Variants in CRPPA observed in about 807,000 individuals in gnomAD.
The protein encoded by CRPPA is D-ribitol-5-phosphate cytidylyltransferase.
In CRPPA, 43 loss-of-function variants were observed where a neutral mutation model predicts 52.0. That is an observed-to-expected ratio of 0.83 (90% CI 0.65 to 1.07). CRPPA has a LOEUF of 1.07. Among genes scored for constraint, CRPPA ranks in the 50% least tolerant of loss-of-function variants. CRPPA has a pLI of 0.00. For synonymous variants in CRPPA, 250 were observed against 203.5 expected, an observed-to-expected ratio of 1.23 and a Z score of -1.94; for missense variants, 629 against 551.7, an observed-to-expected ratio of 1.14 and a Z score of -1.40.
At chr7:16,210,807 T>C (rs1782113666) in intron 9 of CRPPA, among the ~76,000 whole-genome samples, 1 of 152,072 alleles carries the variant, frequency 6.6e-6, no homozygotes, top group Admixed American at 6.5e-5. Context: ...AGGATGCTTC[T>C]CTTCATTTAC....
At chr7:16,318,624 C>A (rs947762097) in intron 3 of CRPPA, among the ~76,000 whole-genome samples, 2 of 152,166 alleles carry the variant, frequency 1.3e-5, no homozygotes, top group African/African-American at 4.8e-5. Flanking sequence ...GAGAGCTCTG[C>A]TCCTTGGGTT....
At chr7:16,183,086 C>T (rs1442653697) in intron 9 of CRPPA, among the ~76,000 whole-genome samples, 1 of 151,986 alleles carries the variant, frequency 6.6e-6, no homozygotes. Flanking sequence ...AACTAAAGAC[C>T]CCAGGGAACT....
At position 16,350,014 on chromosome 7, in the gene CRPPA, T is replaced by A. The variant is rs145782001; in HGVS notation, c.684+26078A>T. The stretch of plus-strand genomic sequence containing the variant: ...TTGAAAGCAGCAAGGGAAACCCAAG[T>A]TGTTAGAGACATGTGAGCCCCCATA... On this transcript the variant is annotated intron_variant, in intron 3 of 9. Transcript: ENST00000407010. 1.8e-3 allele frequency among the ~76,000 whole-genome samples: 276 copies of A among 152,066 alleles called. 1 individual carries two copies. The highest frequency in any genetic ancestry group is 6.2e-3 in the African/African-American group (256 of 41,512).
chr7:16,251,740 A>C (rs1358226971), intron 8 of CRPPA, among the ~76,000 whole-genome samples: 1 of 152,220 alleles, frequency 6.6e-6, no homozygotes, highest in Non-Finnish European at 1.5e-5. Flanking sequence ...GTGTAGAGGG[A>C]AATTTATAGT....
intron 9 of CRPPA, among the ~76,000 whole-genome samples, chr7:16,143,497 A>G (rs1782913261): frequency 6.6e-6 from 1 of 152,232 alleles, no homozygotes; most frequent in Non-Finnish European, 1.5e-5. Flanking sequence ...TGAGGTACCA[A>G]CAAGGTCACT....
At chr7:16,238,069 T>C (rs1003751110) in intron 8 of CRPPA, among the ~76,000 whole-genome samples, 2 of 152,194 alleles carry the variant, frequency 1.3e-5, no homozygotes, top group African/African-American at 2.4e-5. Context: ...GTCACTAAAG[T>C]ACTTTCCTGG....
intron 5 of CRPPA, among the ~76,000 whole-genome samples, chr7:16,296,378 A>T (rs1784675667): frequency 6.6e-6 from 1 of 152,162 alleles, no homozygotes; most frequent in South Asian, 2.1e-4. Context: ...ACATAAATTA[A>T]GATGGACCAA....
chr7:16,251,685 C>T (rs1046625454), intron 8 of CRPPA, among the ~76,000 whole-genome samples: 2 of 152,112 alleles, frequency 1.3e-5, no homozygotes, highest in Non-Finnish European at 2.9e-5. Flanking sequence ...CCAATGGGAA[C>T]CAAGACACAA....
At chr7:16,142,143 C>G (rs756172261) in intron 9 of CRPPA, among the ~76,000 whole-genome samples, 1 of 152,190 alleles carries the variant, frequency 6.6e-6, no homozygotes. Context: ...CATCTAAGAG[C>G]TCTGCCACAG....
At chr7:16,127,103 AAATC>A (rs1312557036) in intron 9 of CRPPA, among the ~76,000 whole-genome samples, 4 of 152,320 alleles carry the variant, frequency 2.6e-5, no homozygotes, top group African/African-American at 9.6e-5. Context: ...TCACATATAA[AAATC>A]AATCAATGTG....
At chr7:16,231,674 G>T (rs1782800510) in intron 8 of CRPPA, among the ~76,000 whole-genome samples, 1 of 151,444 alleles carries the variant, frequency 6.6e-6, no homozygotes, top group South Asian at 2.1e-4. Flanking sequence ...CCAAAAATGT[G>T]GATGAATATT....
chr7:16,318,148 A>G (rs1785186561), intron 3 of CRPPA, among the ~76,000 whole-genome samples: 2 of 152,108 alleles, frequency 1.3e-5, no homozygotes, highest in South Asian at 4.1e-4. Flanking sequence ...GAAACCTCCA[A>G]TTGCTCTTGG....
chr7:16,382,993 G>A (rs936684208), intron 2 of CRPPA, among the ~76,000 whole-genome samples: 17 of 152,258 alleles, frequency 1.1e-4, no homozygotes, highest in Middle Eastern at 3.4e-3. Flanking sequence ...CTCTCAACTC[G>A]TCAAAGTCAT....
chr7:16,312,625 T>C (rs1785058074), intron 3 of CRPPA, among the ~76,000 whole-genome samples: 1 of 151,964 alleles, frequency 6.6e-6, no homozygotes, highest in African/African-American at 2.4e-5. Context: ...AGGCCAATAT[T>C]GAAAAAGAGC....
At chr7:16,252,978 A>G (rs28837728) in intron 8 of CRPPA, among the ~76,000 whole-genome samples, 20,820 of 152,004 alleles carry the variant, frequency 0.14, 1,509 homozygotes, top group African/African-American at 0.18. Flanking sequence ...AATTGCTTCT[A>G]TTTGATTCTT....
rs1230204114 is a variant in CRPPA, at chr7:16,108,085, T to C, written c.1252-16286A>G. Among the ~76,000 whole-genome samples, 8 of 151,872 alleles carry C rather than the reference T, an allele frequency of 5.3e-5. No individual in the cohort carries two copies. The East Asian group carries it at 1.5e-3, about 29-fold the overall frequency. ...CAAGAGAAGAAAAAAATACAGTATCTACAAAATAACAGAAAACAACAAAAA... is the reference window on the plus strand; with the variant it reads ...CAAGAGAAGAAAAAAATACAGTATCCACAAAATAACAGAAAACAACAAAAA... On this transcript the variant is annotated intron_variant, in intron 9 of 9. Coordinates refer to ENST00000407010, the MANE Select transcript of CRPPA (RefSeq NM_001101426.4).
At chr7:16,239,137 C>CCAAAAAAAAA (rs1783032259) in intron 8 of CRPPA, among the ~76,000 whole-genome samples, 1 of 88,526 alleles carries the variant, frequency 1.1e-5, no homozygotes, top group Non-Finnish European at 2.2e-5. Context: ...GACTCTGTCT[C>CCAAAAAAAAA]AAAAAAAAAA....
intron 3 of CRPPA, among the ~76,000 whole-genome samples, chr7:16,367,034 C>T (rs965767274): frequency 1.3e-5 from 2 of 152,204 alleles, no homozygotes; most frequent in African/African-American, 4.8e-5. Context: ...CAAGTCAGCT[C>T]TTTCTGACTC....
At chr7:16,220,616 G>C (rs2128400009) in intron 8 of CRPPA, among the ~76,000 whole-genome samples, 1 of 133,960 alleles carries the variant, frequency 7.5e-6, no homozygotes, top group Middle Eastern at 3.7e-3. Flanking sequence ...CAAAATCAAT[G>C]TACAAAAATC....
Sources: allele counts gnomAD v4.1 joint callset (sites outside exome capture counted in the v4.1 genomes callset), GRCh38; gene constraint gnomAD v4.1.1; transcripts MANE v1.5; gene names NCBI Gene and HGNC (gene_info 2026-07-23, HGNC 2026-07-21).